The following CDH2 variants were observed in gnomAD, a reference collection of about 807,000 sequenced individuals.
CDH2 encodes the protein cadherin-2.
A neutral mutation model predicts 92.0 loss-of-function variants in CDH2; 17 were observed. That is an observed-to-expected ratio of 0.18 (90% CI 0.13 to 0.28). CDH2 has a LOEUF of 0.28. CDH2 is among the 10% of genes least tolerant of loss of function. CDH2 has a pLI of 1.00. For missense variants in CDH2, 862 were observed against 1,133.1 expected (o/e 0.76, Z 3.44); for synonymous variants, 419 against 415.9 (o/e 1.01, Z -0.09).
chr18:28,036,374 T>C (rs2013827653), intron 2 of CDH2: 8 of 715,886 alleles, frequency 1.1e-5, no homozygotes, highest in South Asian at 1.1e-4. Flanking sequence ...AAATATAAAA[T>C]GTACTTTGTA....
chr18:27,954,892 T>C (rs2143859948), intron 15 of CDH2, among the ~76,000 whole-genome samples: 1 of 152,288 alleles, frequency 6.6e-6, no homozygotes, highest in South Asian at 2.1e-4. Context: ...TCCTCTTCCC[T>C]ACAAGATCTA....
chr18:27,973,062 A>T (rs1041588433), intron 14 of CDH2, among the ~76,000 whole-genome samples: 1 of 152,158 alleles, frequency 6.6e-6, no homozygotes, highest in Non-Finnish European at 1.5e-5. Flanking sequence ...TGAATTGTCA[A>T]CCCTTGAAGT....
At chr18:28,098,178 A>G (rs2015167815) in intron 2 of CDH2, among the ~76,000 whole-genome samples, 1 of 152,226 alleles carries the variant, frequency 6.6e-6, no homozygotes, top group Non-Finnish European at 1.5e-5. Context: ...GCACATCTGT[A>G]TGCTGTATTG....
chr18:28,048,532 A>T (rs1300188803), intron 2 of CDH2, among the ~76,000 whole-genome samples: 3 of 152,188 alleles, frequency 2.0e-5, no homozygotes, highest in Non-Finnish European at 4.4e-5. Context: ...TATGGGTCAA[A>T]TGCTCCCAAA....
rs34449678 is a variant in CDH2, at chr18:27,960,019, A to AACACGCACAC, written c.2514+3337_2514+3338insGTGTGCGTGT. On this transcript the variant is annotated intron_variant, in intron 15 of 15. Coordinates refer to ENST00000269141, the MANE Select transcript of CDH2 (RefSeq NM_001792.5). ...AACAGAGAGAGACCCTGTCTCTTAA[A>AACACGCACAC]ACACACACACACACACACACACACA... Among the ~76,000 whole-genome samples the AACACGCACAC allele has an allele frequency of 8.0e-5, 12 of 149,614 alleles. No homozygotes were observed. The East Asian group carries it at 2.2e-3, about 28-fold the overall frequency.
At chr18:28,107,769 G>A (rs2015346159) in intron 2 of CDH2, among the ~76,000 whole-genome samples, 1 of 151,892 alleles carries the variant, frequency 6.6e-6, no homozygotes, top group Admixed American at 6.6e-5. Context: ...AAGGTTTTAT[G>A]CATTTTAATT....
chr18:28,053,887 T>G (rs1173249102), intron 2 of CDH2, among the ~76,000 whole-genome samples: 1 of 152,146 alleles, frequency 6.6e-6, no homozygotes, highest in Non-Finnish European at 1.5e-5. Flanking sequence ...TCCTCTATCT[T>G]TCTTACGGGC....
chr18:27,984,562 T>C (rs920406902), intron 13 of CDH2, among the ~76,000 whole-genome samples: 1 of 152,202 alleles, frequency 6.6e-6, no homozygotes, highest in Non-Finnish European at 1.5e-5. Flanking sequence ...GATCCTCGCA[T>C]GACTGGAGCA....
intron 3 of CDH2, 66 bp from the exon 4 acceptor site, chr18:28,012,058 TTATTGAA>T (rs2013117381): frequency 7.5e-7 from 1 of 1,337,278 alleles, no homozygotes; most frequent in Non-Finnish European, 1.1e-6. Context: ...TACATCAATA[TTATTGAA>T]TACCTGAAAG....
chr18:28,055,332 T>A (rs1044071674), intron 2 of CDH2, among the ~76,000 whole-genome samples: 2 of 152,086 alleles, frequency 1.3e-5, no homozygotes. Context: ...CAATTCAAGA[T>A]GAGATTTGGG....
chr18:28,136,773 G>A (rs907965449), intron 2 of CDH2, among the ~76,000 whole-genome samples: 9 of 152,116 alleles, frequency 5.9e-5, no homozygotes, highest in African/African-American at 2.2e-4. Flanking sequence ...TATTTCTGTT[G>A]TGGAAATACA....
At chr18:27,953,878 T>A (rs779139826) in intron 15 of CDH2, among the ~76,000 whole-genome samples, 59 of 152,136 alleles carry the variant, frequency 3.9e-4, no homozygotes, top group Non-Finnish European at 6.0e-4. Flanking sequence ...TTTTAAAAAA[T>A]TTAAGTTTTG....
At chr18:27,938,367 A>T (rs1909067515) in intron 6 of CDH2, among the ~76,000 whole-genome samples, 1 of 152,232 alleles carries the variant, frequency 6.6e-6, no homozygotes, top group Non-Finnish European at 1.5e-5. Flanking sequence ...CCCACATAGT[A>T]TTCATAAATT....
At chr18:27,996,019 T>A (rs1478271202) in intron 7 of CDH2, among the ~76,000 whole-genome samples, 1 of 152,152 alleles carries the variant, frequency 6.6e-6, no homozygotes, top group Non-Finnish European at 1.5e-5. Context: ...CTTCCCACTC[T>A]CATAGTACCT....
intron 6 of CDH2, among the ~76,000 whole-genome samples, chr18:27,942,824 G>A (rs542707114): frequency 1.1e-4 from 16 of 152,292 alleles, no homozygotes; most frequent in South Asian, 6.2e-4. Flanking sequence ...GAACGAGATT[G>A]TCCATAGTGG....
chr18:28,022,280 G>A (rs1599040615), intron 2 of CDH2, among the ~76,000 whole-genome samples: 1 of 151,962 alleles, frequency 6.6e-6, no homozygotes, highest in Non-Finnish European at 1.5e-5. Context: ...CAGACAGGTT[G>A]AGAATGTCTA....
At chr18:28,016,526 T>C (rs139793136) in intron 2 of CDH2, among the ~76,000 whole-genome samples, 68 of 152,282 alleles carry the variant, frequency 4.5e-4, no homozygotes, top group African/African-American at 1.6e-3. Context: ...TTAATACTTA[T>C]GGAATGCCAG....
downstream of CDH2, among the ~76,000 whole-genome samples, chr18:27,950,546 T>C (rs1909393589): frequency 6.6e-6 from 1 of 152,106 alleles, no homozygotes; most frequent in South Asian, 2.1e-4. Flanking sequence ...GAATTCCAGG[T>C]GTCCACTGCA....
Position 27,963,519 on chromosome 18 carries a change from G to A in CDH2, c.2352C>T (p.Asp784=). 6.2e-7 allele frequency: 1 copy of A among 1,613,652 alleles called. No homozygotes were observed. ...DEEGGGEEDQ[D]YDLSQLQQPD... ...GCTGCTGCAGCTGGCTCAAGTCATA[G>A]TCCTGCAAAAAGACAAAATCAAAAA... is the stretch of plus-strand genomic sequence containing the variant. Residue 784 remains aspartate, a splice_region_variant and synonymous_variant, in exon 15 of 16, where the codon GAC becomes GAT. Coordinates refer to ENST00000269141, the MANE Select transcript of CDH2 (RefSeq NM_001792.5).
Sources: gnomAD v4.1 joint callset for allele counts (sites outside exome capture counted in the v4.1 genomes callset) on GRCh38, gnomAD v4.1.1 for gene constraint, MANE v1.5 for transcripts, NCBI Gene and HGNC (gene_info 2026-07-23, HGNC 2026-07-21) for gene names.